Variants in LCORL observed in about 807,000 individuals in gnomAD.
LCORL encodes the protein ligand dependent nuclear receptor corepressor like.
Under a neutral mutation model 141.8 loss-of-function variants are expected in LCORL, and 41 were observed. The ratio of observed to expected loss-of-function variants is 0.29; its 90% CI spans 0.23 to 0.38. The LOEUF is 0.38. LCORL is among the 10% of genes least tolerant of loss of function. The pLI is 1.00. For missense variants in LCORL, 1,759 were observed against 2,035.0 expected, an observed-to-expected ratio of 0.86 and a Z score of 2.61; for synonymous variants, 618 against 694.1, an observed-to-expected ratio of 0.89 and a Z score of 1.72.
rs114771914 is a variant in LCORL, at chr4:17,848,082, A to G, written c.5603-2181T>C. The stretch of plus-strand genomic sequence containing the variant: ...TCAAAAACATACGGCGGTTTTCTTA[A>G]GTAACTTTTCTAGAATGGTATAGTA... On this transcript the variant is annotated intron_variant, in intron 7 of 7. Transcript: ENST00000635767. Among the ~76,000 whole-genome samples the G allele has an allele frequency of 5.5e-3, 839 of 152,328 alleles. 9 individuals carry two copies. The highest frequency in any genetic ancestry group is 0.019 in the African/African-American group (776 of 41,572).
At chr4:17,961,438 G>A (rs187094314) in intron 4 of LCORL, among the ~76,000 whole-genome samples, 108 of 152,016 alleles carry the variant, frequency 7.1e-4, no homozygotes, top group Non-Finnish European at 1.3e-3. Context: ...GCAAATTAAA[G>A]TTACCAAATA....
intron 2 of LCORL, among the ~76,000 whole-genome samples, chr4:17,968,941 G>GA (rs1326491511): frequency 6.6e-6 from 1 of 152,226 alleles, no homozygotes; most frequent in East Asian, 1.9e-4. Flanking sequence ...CACACCTAGA[G>GA]AAAAAACAGT....
At chr4:17,877,926 C>T in exon 7 of LCORL, 2 of 1,230,584 alleles carry the variant, frequency 1.6e-6, no homozygotes, top group Non-Finnish European at 1.0e-6. Flanking sequence ...TAAACCAGGG[C>T]TTTGTTTTTC....
At chr4:17,976,351 ATTATT>A (rs1393063871) in intron 1 of LCORL, among the ~76,000 whole-genome samples, 2 of 152,166 alleles carry the variant, frequency 1.3e-5, no homozygotes, top group Admixed American at 6.5e-5. Flanking sequence ...ACTCCACAAC[ATTATT>A]TTAAGTTAAA....
chr4:17,873,702 G>A lies in LCORL; in HGVS notation c.5288C>T (p.Thr1763Ile), dbSNP rs75895867. The A allele has an allele frequency of 5.3e-5, 66 of 1,233,696 alleles. No individual in the cohort carries two copies. The African/African-American group carries it at 8.1e-4, about 15-fold the overall frequency. 76.4% of individuals were successfully genotyped at this position (1,233,696 alleles called of 1,614,324 possible). ...AAAGCGCTTTGATTCTTCCATATGA[G>A]TCTGATGAGTATTTCCACTGTCAGT... Residue 1763 changes from threonine to isoleucine, a missense_variant, in exon 7 of 8, where the codon ACT becomes ATT. Coordinates refer to ENST00000635767, the Ensembl canonical transcript of LCORL.
chr4:17,883,914 T>C, intron 6 of LCORL: 6 of 1,550,768 alleles, frequency 3.9e-6, no homozygotes, highest in Non-Finnish European at 5.2e-6. Context: ...ATTTTTCCGC[T>C]CATTACCATT....
intron 4 of LCORL, among the ~76,000 whole-genome samples, chr4:17,920,334 T>C (rs922742770): frequency 2.6e-5 from 4 of 152,190 alleles, no homozygotes; most frequent in African/African-American, 7.2e-5. Context: ...AACGCAGACA[T>C]TGACAGAGTT....
intron 6 of LCORL, among the ~76,000 whole-genome samples, chr4:17,885,597 T>A (rs1365722349): frequency 6.6e-6 from 1 of 151,958 alleles, no homozygotes; most frequent in Admixed American, 6.6e-5. Flanking sequence ...ATGAGAGGAC[T>A]TTTTGTGGTG....
intron 1 of LCORL, among the ~76,000 whole-genome samples, chr4:17,996,809 T>C (rs1720991456): frequency 6.6e-6 from 1 of 152,118 alleles, no homozygotes; most frequent in Non-Finnish European, 1.5e-5. Flanking sequence ...CTCTCAAGGC[T>C]TTTATAATGG....
At chr4:17,920,023 G>A (rs1734044262) in intron 4 of LCORL, among the ~76,000 whole-genome samples, 1 of 152,226 alleles carries the variant, frequency 6.6e-6, no homozygotes, top group African/African-American at 2.4e-5. Context: ...CCCATGCCTT[G>A]CCCTGTGCAT....
intron 7 of LCORL, among the ~76,000 whole-genome samples, chr4:17,866,495 G>T (rs1236326317): frequency 6.6e-6 from 1 of 152,156 alleles, no homozygotes; most frequent in African/African-American, 2.4e-5. Flanking sequence ...TAAATAAAAA[G>T]AGTTTATAGG....
rs112613706 is a variant in LCORL, at chr4:17,966,892, C to T, written c.221-3843G>A. The stretch of plus-strand genomic sequence containing the variant: ...GATACCCTTACAGTTTCTTACAAAA[C>T]TAAACATAGTCTATCAATGATGCTC... On this transcript the variant is annotated intron_variant, in intron 2 of 7. Transcript: ENST00000635767. Among the ~76,000 whole-genome samples, 744 of 152,222 alleles carry T rather than the reference C, an allele frequency of 4.9e-3. 3 individuals are homozygous for T. The highest frequency in any genetic ancestry group is 0.017 in the African/African-American group (704 of 41,554).
At chr4:17,969,514 T>C (rs1328505426) in intron 2 of LCORL, among the ~76,000 whole-genome samples, 2 of 152,140 alleles carry the variant, frequency 1.3e-5, no homozygotes, top group African/African-American at 4.8e-5. Flanking sequence ...GGATGAACTT[T>C]AGAATATATT....
intron 4 of LCORL, among the ~76,000 whole-genome samples, chr4:17,934,059 T>C (rs182264537): frequency 6.6e-6 from 1 of 152,158 alleles, no homozygotes; most frequent in African/African-American, 2.4e-5. Context: ...TATTTCCTAG[T>C]ATCAAGTACT....
intron 4 of LCORL, among the ~76,000 whole-genome samples, chr4:17,935,038 T>G (rs553157319): frequency 6.6e-6 from 1 of 152,220 alleles, no homozygotes; most frequent in South Asian, 2.1e-4. Flanking sequence ...AATGAAACAG[T>G]TCTGACTAAA....
At chr4:17,959,709 G>T (rs1713400331) in intron 4 of LCORL, among the ~76,000 whole-genome samples, 1 of 152,074 alleles carries the variant, frequency 6.6e-6, no homozygotes, top group South Asian at 2.1e-4. Flanking sequence ...TGATCAACAT[G>T]CACATGTTCC....
intron 6 of LCORL, among the ~76,000 whole-genome samples, chr4:17,880,067 C>G (rs1435793035): frequency 6.6e-6 from 1 of 150,898 alleles, no homozygotes; most frequent in Non-Finnish European, 1.5e-5. Context: ...TTAGAGTTTT[C>G]TTATTCAATT....
At chr4:17,998,989 TATATATATATATATACACAC>T (rs1560464192) in intron 1 of LCORL, among the ~76,000 whole-genome samples, 865 of 52,608 alleles carry the variant, frequency 0.016, 10 homozygotes, top group South Asian at 0.083. Context: ...AAAAAAAATA[TATATATATATATATACACAC>T]ATATATATAT....
intron 5 of LCORL, among the ~76,000 whole-genome samples, chr4:17,890,491 T>C (rs1344904331): frequency 6.6e-6 from 1 of 152,018 alleles, no homozygotes; most frequent in Non-Finnish European, 1.5e-5. Context: ...GAGGTAAATA[T>C]GAACAAGTAA....
Sources: gnomAD v4.1 joint callset for allele counts (sites outside exome capture counted in the v4.1 genomes callset) on GRCh38, gnomAD v4.1.1 for gene constraint, MANE v1.5 for transcripts, NCBI Gene and HGNC (gene_info 2026-07-23, HGNC 2026-07-21) for gene names.